Variants in GOT2 observed in about 807,000 individuals in gnomAD.
GOT2 encodes the protein glutamic-oxaloacetic transaminase 2.
GOT2 carries 17 observed loss-of-function variants against 50.0 expected under a neutral mutation model. The ratio of observed to expected loss-of-function variants is 0.34; its 90% CI spans 0.23 to 0.51. The LOEUF is 0.51. Ranked by LOEUF, GOT2 falls within the 20% of genes least tolerant of loss-of-function variation. The pLI is 0.97. For missense variants in GOT2, 430 were observed against 559.6 expected (o/e 0.77, Z 2.34); for synonymous variants, 172 against 204.9 (o/e 0.84, Z 1.37).
intron 8 of GOT2, among the ~76,000 whole-genome samples, chr16:58,710,763 C>T (rs1452114220): frequency 9.7e-5 from 5 of 51,654 alleles, no homozygotes; most frequent in East Asian, 2.8e-4. Context: ...GTCAGGAGAT[C>T]GAGACCATCC....
chr16:58,709,478 T>C lies in GOT2; in HGVS notation c.1109A>G (p.Asn370Ser), dbSNP rs767406715. ...SNLKKEGSTH[N>S]WQHITDQIGM... Reference sequence around the variant, plus strand: ...AATTTGGTCGGTGATGTGTTGCCAATTGTGGGTGGAACCCTCCTTCTTGAG... The same window carrying C: ...AATTTGGTCGGTGATGTGTTGCCAACTGTGGGTGGAACCCTCCTTCTTGAG... The change falls in exon 9 of 10, where the codon AAT becomes AGT. Residue 370 changes from asparagine (N) to serine (S), a missense_variant. Physicochemically the swap from Asn to Ser is conservative, Grantham distance 46. Coordinates refer to ENST00000245206, the MANE Select transcript of GOT2 (RefSeq NM_002080.4). 4 of 1,613,954 alleles carry C rather than the reference T, an allele frequency of 2.5e-6. No individual in the cohort carries two copies. Among genetic ancestry groups the C allele is most frequent in the Middle Eastern group, 1.6e-4 (1 of 6,082 alleles).
At position 58,712,078 on chromosome 16, in the gene GOT2, T is replaced by G. The variant is rs142614601; in HGVS notation, c.1020-2511A>C. On this transcript the variant is annotated intron_variant, in intron 8 of 9. Transcript: ENST00000245206. Reference sequence around the variant, plus strand: ...CCCCAGTTTCCTTGTCCGTTTCATTTCCTTTGCAAAAAAAAAAGCCCTTTC... The same window carrying G: ...CCCCAGTTTCCTTGTCCGTTTCATTGCCTTTGCAAAAAAAAAAGCCCTTTC... Among the ~76,000 whole-genome samples, 64 of 151,828 alleles carry G rather than the reference T, an allele frequency of 4.2e-4. No homozygotes were observed. The East Asian group carries it at 0.01, about 24-fold the overall frequency.
intron 7 of GOT2, chr16:58,716,449 C>T: frequency 1.7e-6 from 1 of 605,722 alleles, no homozygotes. Context: ...TAATCAGTTT[C>T]CTTTGCTGGA....
rs750151144 is a variant in GOT2 at position 58,716,787 on chromosome 16, G to A, written c.729C>T (p.Asp243=). 4 of 1,614,146 alleles carry A rather than the reference G, an allele frequency of 2.5e-6. No individual in the cohort carries two copies. The South Asian group carries it at 3.3e-5, about 13-fold the overall frequency. ...CACTGGCAAAGCCTTGGTAGGCCAT[G>A]TCAAAGAACGCAAAGAGATTCCTTT... ...VKKRNLFAFF[D]MAYQGFASGD... Residue 243 remains aspartate (D), a synonymous_variant, in exon 7 of 10, where the codon GAC becomes GAT. Transcript: ENST00000245206.
Position 58,709,536 on chromosome 16 carries a change from T to G in GOT2, c.1051A>C (p.Ile351Leu). The G allele has an allele frequency of 6.2e-7, 1 of 1,613,034 alleles. No individual in the cohort carries two copies. The highest frequency in any genetic ancestry group is 8.5e-7 in the Non-Finnish European group (1 of 1,179,100). The change falls in exon 9 of 10, where the codon ATC becomes CTC. Residue 351 changes from isoleucine (I) to leucine (L), a missense_variant. Transcript: ENST00000245206. ...LQEVKVMADRIIGMRTQLVSN... is the reference protein window; with the variant it reads ...LQEVKVMADRLIGMRTQLVSN... Reference sequence around the variant, plus strand: ...ACCAGTTGAGTCCGCATGCCAATGATGCGGTCAGCCATGACTTTCACTTCT... The same window carrying G: ...ACCAGTTGAGTCCGCATGCCAATGAGGCGGTCAGCCATGACTTTCACTTCT...
rs1238552287 is a variant in GOT2 at position 58,723,740 on chromosome 16, G to C, written c.246+6C>G. On this transcript the variant is annotated splice_donor_region_variant and intron_variant, in intron 2 of 9. Coordinates refer to ENST00000245206, the MANE Select transcript of GOT2 (RefSeq NM_002080.4). ...CCATTCAAAAGGAGATGAACAGCAAGCTCACCTTGCGGACGCTAGGCAGAA... is the reference window on the plus strand; with the variant it reads ...CCATTCAAAAGGAGATGAACAGCAACCTCACCTTGCGGACGCTAGGCAGAA... 2 of 1,609,194 alleles carry C rather than the reference G, an allele frequency of 1.2e-6. No homozygotes were observed. Among genetic ancestry groups the C allele is most frequent in the Admixed American group, 3.3e-5 (2 of 59,958 alleles).
chr16:58,724,378 G>T lies in GOT2; in HGVS notation c.90-476C>A, dbSNP rs2044766307. On this transcript the variant is annotated intron_variant, in intron 1 of 9. Transcript: ENST00000245206. ...GCTTACTGCAGTCTCTGCCTCCAGG[G>T]TTCAAACAATTCTGCCTCAGCCTCC... Among the ~76,000 whole-genome samples, 8 of 151,780 alleles carry T rather than the reference G, an allele frequency of 5.3e-5. No individual in the cohort carries two copies. In the South Asian group the frequency reaches 1.7e-3, roughly 32 times the overall value.
chr16:58,713,159 AAAAC>A (rs1163389920), intron 8 of GOT2, among the ~76,000 whole-genome samples: 1 of 152,192 alleles, frequency 6.6e-6, no homozygotes, highest in Non-Finnish European at 1.5e-5. Context: ...AAATAAAGAA[AAAAC>A]AAACAAACAA....
At chr16:58,720,444 G>C (rs115267716) in intron 3 of GOT2, among the ~76,000 whole-genome samples, 69 of 152,128 alleles carry the variant, frequency 4.5e-4, no homozygotes, top group African/African-American at 1.6e-3. Context: ...TCTGGACTGG[G>C]GTGGTAGTAG....
intron 3 of GOT2, among the ~76,000 whole-genome samples, chr16:58,720,326 C>T (rs2044731432): frequency 6.6e-6 from 1 of 152,092 alleles, no homozygotes; most frequent in Admixed American, 6.6e-5. Context: ...TCAAATTGGT[C>T]AACTTTAAGG....
In GOT2 at chr16:58,718,234, G is replaced by A. The variant is rs774369491; in HGVS notation, c.664C>T (p.Arg222Cys). 2.9e-5 allele frequency: 46 copies of A among 1,613,652 alleles called. No individual in the cohort carries two copies. The highest frequency in any genetic ancestry group is 5.0e-5 in the Admixed American group (3 of 59,994). ...GCTATTTCCTTCCACTGTTCCGGAC[G>A]CGGGTCCACTCCCGTGGGATTGTGG... is the stretch of plus-strand genomic sequence containing the variant. ...CAHNPTGVDP[R>C]PEQWKEIATV... Residue 222 changes from arginine (R) to cysteine (C), a missense_variant, in exon 6 of 10, where the codon CGT becomes TGT. Transcript: ENST00000245206.
At chr16:58,731,629 T>C (rs2152099487) in intron 1 of GOT2, among the ~76,000 whole-genome samples, 1 of 152,360 alleles carries the variant, frequency 6.6e-6, no homozygotes, top group Non-Finnish European at 1.5e-5. Flanking sequence ...CTATGTCTGA[T>C]CTCATGTCAC....
intron 8 of GOT2, among the ~76,000 whole-genome samples, chr16:58,711,888 T>C (rs2044651407): frequency 6.6e-6 from 1 of 152,122 alleles, no homozygotes; most frequent in Non-Finnish European, 1.5e-5. Context: ...TGTTGACTTC[T>C]TACAGTATCA....
intron 8 of GOT2, among the ~76,000 whole-genome samples, chr16:58,715,574 C>T (rs971106712): frequency 6.6e-6 from 1 of 152,104 alleles, no homozygotes; most frequent in Admixed American, 6.5e-5. Context: ...TAGATTGAGA[C>T]GGAGTTTTGC....
At chr16:58,715,831 C>T (rs75241882) in intron 8 of GOT2, among the ~76,000 whole-genome samples, 183 bp downstream of exon 8, 122 of 152,226 alleles carry the variant, frequency 8.0e-4, no homozygotes, top group African/African-American at 2.7e-3. Context: ...CGATTACAGG[C>T]GTGAGCCACT....
chr16:58,728,628 GGA>G (rs1230902829), intron 1 of GOT2, among the ~76,000 whole-genome samples: 1 of 152,046 alleles, frequency 6.6e-6, no homozygotes. Flanking sequence ...GGCTGTGGGG[GGA>G]GACAATGTTA....
chr16:58,725,426 T>G (rs1055016417), intron 1 of GOT2, among the ~76,000 whole-genome samples: 2 of 152,154 alleles, frequency 1.3e-5, no homozygotes, highest in Non-Finnish European at 2.9e-5. Context: ...TGAAGACAAT[T>G]TCTAAGATCT....
chr16:58,724,275 T>C (rs1027492410), intron 1 of GOT2, among the ~76,000 whole-genome samples: 2 of 151,416 alleles, frequency 1.3e-5, no homozygotes, highest in Non-Finnish European at 1.5e-5. Flanking sequence ...TGAATTGCTA[T>C]TCTGACAAAC....
At position 58,708,225 on chromosome 16, in the gene GOT2, G is replaced by A; in HGVS notation, c.1239C>T (p.Val413=). 1 of 1,613,994 alleles carries A rather than the reference G, an allele frequency of 6.2e-7. No individual in the cohort carries two copies. Among genetic ancestry groups the A allele is most frequent in the Non-Finnish European group, 8.5e-7 (1 of 1,179,882 alleles). Residue 413 remains valine, a synonymous_variant, in exon 10 of 10, where the codon GTC becomes GTT. Coordinates refer to ENST00000245206, the MANE Select transcript of GOT2 (RefSeq NM_002080.4). The part of the protein sequence containing the change: ...TKDGRISVAG[V]TSSNVGYLAH... Reference sequence around the variant, plus strand: ...CAAGGTAGCCCACGTTGCTGGAGGTGACCCCTGCCACAGAGATGCGGCCAT... The same window carrying A: ...CAAGGTAGCCCACGTTGCTGGAGGTAACCCCTGCCACAGAGATGCGGCCAT...
Sources: gnomAD v4.1 joint callset for allele counts (sites outside exome capture counted in the v4.1 genomes callset) on GRCh38, gnomAD v4.1.1 for gene constraint, MANE v1.5 for transcripts, NCBI Gene and HGNC (gene_info 2026-07-23, HGNC 2026-07-21) for gene names.